Variants in KMO observed in about 807,000 individuals in gnomAD.
The protein encoded by KMO is kynurenine 3-hydroxylase.
A neutral mutation model predicts 57.8 loss-of-function variants in KMO; 24 were observed. That is an observed-to-expected ratio of 0.42 (90% CI 0.30 to 0.58). KMO has a LOEUF of 0.58. KMO is among the 20% of genes least tolerant of loss of function. KMO has a pLI of 0.22. For synonymous variants in KMO, 210 were observed against 193.6 expected (o/e 1.08, Z -0.70); for missense variants, 483 against 588.2 (o/e 0.82, Z 1.85).
chr1:241,547,602 G>A (rs1390096609), intron 1 of KMO, among the ~76,000 whole-genome samples: 1 of 149,046 alleles, frequency 6.7e-6, no homozygotes, highest in East Asian at 2.0e-4. Context: ...AAAAAAAAGT[G>A]CTCAACTTCT....
chr1:241,595,056 G>C lies in KMO; in HGVS notation c.*2903G>C. ...GGTGACAGCCACTGTGCTATAATTAGAGACTTTTTACTATAAGCATCAAAA... is the reference window on the plus strand; with the variant it reads ...GGTGACAGCCACTGTGCTATAATTACAGACTTTTTACTATAAGCATCAAAA... On this transcript the variant is annotated 3_prime_UTR_variant, in exon 15 of 15. Transcript: ENST00000366559. The C allele has an allele frequency of 5.9e-6, 1 of 168,410 alleles. No individual in the cohort carries two copies. The highest frequency in any genetic ancestry group is 1.3e-5 in the Non-Finnish European group (1 of 79,144). 10.4% of individuals were successfully genotyped at this position (168,410 alleles called of 1,614,324 possible). A position where few individuals can be genotyped will look rare whatever the true frequency, so the allele number is the denominator to read the frequency against.
At chr1:241,557,983 T>C (rs557424312) in intron 5 of KMO, among the ~76,000 whole-genome samples, 1 of 152,362 alleles carries the variant, frequency 6.6e-6, no homozygotes, top group African/African-American at 2.4e-5. Flanking sequence ...TTTACATGCA[T>C]AGATTTGCAT....
chr1:241,568,804 C>T (rs769424498), intron 10 of KMO, among the ~76,000 whole-genome samples, 157 bp downstream of exon 10: 8 of 152,132 alleles, frequency 5.3e-5, no homozygotes, highest in Non-Finnish European at 1.0e-4. Flanking sequence ...AGATTGATCA[C>T]TCTAATCAGA....
chr1:241,559,027 G>A (rs1036275611), intron 5 of KMO, among the ~76,000 whole-genome samples: 4 of 151,680 alleles, frequency 2.6e-5, no homozygotes, highest in African/African-American at 4.8e-5. Context: ...TGGAATCCTG[G>A]AGGCGGAGGC....
At position 241,570,972 on chromosome 1, in the gene KMO, T is replaced by C. The variant is rs1299040239; in HGVS notation, c.957+2325T>C. 2.0e-5 allele frequency among the ~76,000 whole-genome samples: 3 copies of C among 152,144 alleles called. No homozygotes were observed. In the East Asian group the frequency reaches 5.8e-4, roughly 29 times the overall value. On this transcript the variant is annotated intron_variant, in intron 10 of 14. Coordinates refer to ENST00000366559, the MANE Select transcript of KMO (RefSeq NM_003679.5). ...TTCAATTTCTTTCATCAACGTTTTA[T>C]AGTTTTCATTGTAGAGATCTTTCAC...
At chr1:241,547,741 C>T (rs1237951503) in intron 1 of KMO, among the ~76,000 whole-genome samples, 3 of 152,306 alleles carry the variant, frequency 2.0e-5, no homozygotes, top group Non-Finnish European at 2.9e-5. Flanking sequence ...TCAGAAGCTG[C>T]TGGTGTTACA....
At chr1:241,540,009 C>T (rs1660903514) in intron 1 of KMO, among the ~76,000 whole-genome samples, 1 of 152,142 alleles carries the variant, frequency 6.6e-6, no homozygotes, top group African/African-American at 2.4e-5. Context: ...GCTTTTACTT[C>T]AGACATCTTT....
rs41315442 is a variant in KMO at position 241,595,156 on chromosome 1, T to G, written c.*3003T>G. The G allele has an allele frequency of 6.9e-3, 1,061 of 153,350 alleles. 3 individuals carry two copies. The highest frequency in any genetic ancestry group is 0.016 in the African/African-American group (671 of 41,582). The allele number at this position is 153,350 out of a possible 1,614,324, so 9.5% of individuals were successfully genotyped here. A position where few individuals can be genotyped will look rare whatever the true frequency, so the allele number is the denominator to read the frequency against. On this transcript the variant is annotated 3_prime_UTR_variant, in exon 15 of 15. Coordinates refer to ENST00000366559, the MANE Select transcript of KMO (RefSeq NM_003679.5). The stretch of plus-strand genomic sequence containing the variant: ...TGTCTCTTTAATTAGGTGAAGAATT[T>G]TTTTTTTCTATCGAAATTACTAATC...
intron 4 of KMO, among the ~76,000 whole-genome samples, chr1:241,553,162 G>A (rs1411267789): frequency 1.3e-5 from 2 of 152,026 alleles, no homozygotes; most frequent in Admixed American, 6.6e-5. Flanking sequence ...ACTTTATAGC[G>A]CTTGACTTGT....
intron 1 of KMO, among the ~76,000 whole-genome samples, chr1:241,534,144 T>C (rs2147935358): frequency 6.6e-6 from 1 of 152,278 alleles, no homozygotes; most frequent in Middle Eastern, 3.4e-3. Flanking sequence ...AGGCAGGAAA[T>C]TAAGTTGTGA....
chr1:241,562,046 A>C, intron 6 of KMO, 121 bp from the exon 7 acceptor site: 1 of 749,216 alleles, frequency 1.3e-6, no homozygotes, highest in Non-Finnish European at 2.1e-6. Flanking sequence ...CTCCAAGTCA[A>C]ACATGTGAAA....
At position 241,550,993 on chromosome 1, in the gene KMO, C is replaced by T. The variant is rs377039946; in HGVS notation, c.261C>T (p.Ile87=). 2.2e-5 allele frequency: 34 copies of T among 1,561,956 alleles called. No individual in the cohort carries two copies. The highest frequency in any genetic ancestry group is 2.8e-5 in the Non-Finnish European group (32 of 1,158,504). The part of the protein sequence containing the change: ...SQGIPMRARM[I]HSLSGKKSAI... ...GTATTCCCATGAGAGCAAGAATGATCCACTCTCTTTCAGGAAAAAAGTCTG... is the reference window on the plus strand; with the variant it reads ...GTATTCCCATGAGAGCAAGAATGATTCACTCTCTTTCAGGAAAAAAGTCTG... Residue 87 remains isoleucine, a synonymous_variant, in exon 4 of 15, where the codon ATC becomes ATT. Coordinates refer to ENST00000366559, the MANE Select transcript of KMO (RefSeq NM_003679.5).
intron 10 of KMO, among the ~76,000 whole-genome samples, chr1:241,572,060 T>C (rs925726253): frequency 6.6e-6 from 1 of 151,928 alleles, no homozygotes; most frequent in African/African-American, 2.4e-5. Flanking sequence ...AGAGATGTGG[T>C]TTCACCATGT....
intron 10 of KMO, among the ~76,000 whole-genome samples, chr1:241,573,278 C>T (rs532508248): frequency 3.9e-5 from 6 of 152,166 alleles, no homozygotes; most frequent in South Asian, 2.1e-4. Flanking sequence ...TGAGCTACTG[C>T]GCCCAACCCA....
At chr1:241,583,852 G>A (rs1662858696) in intron 10 of KMO, among the ~76,000 whole-genome samples, 1 of 151,872 alleles carries the variant, frequency 6.6e-6, no homozygotes, top group Non-Finnish European at 1.5e-5. Context: ...CTCAAAATTT[G>A]GAAACTTGGC....
chr1:241,565,676 A>G (rs899095774), intron 8 of KMO, among the ~76,000 whole-genome samples: 4 of 151,726 alleles, frequency 2.6e-5, no homozygotes, highest in Admixed American at 6.6e-5. Context: ...GTAAGCCGTG[A>G]TCATCCCATT....
Position 241,562,787 on chromosome 1 carries a change from C to T in KMO, c.615+455C>T, listed in dbSNP as rs138634035. On this transcript the variant is annotated intron_variant, in intron 7 of 14. Transcript: ENST00000366559. ...CCAGGAGGTCAAGGCTGCAGTGAGCCGAGATCATGCCAATGCACTCTATCC... is the reference window on the plus strand; with the variant it reads ...CCAGGAGGTCAAGGCTGCAGTGAGCTGAGATCATGCCAATGCACTCTATCC... Among the ~76,000 whole-genome samples, 1,030 of 151,830 alleles carry T rather than the reference C, an allele frequency of 6.8e-3. 15 individuals are homozygous for T. Among genetic ancestry groups the T allele is most frequent in the African/African-American group, 0.024 (978 of 41,360 alleles).
At chr1:241,552,954 C>T (rs1661467829) in intron 4 of KMO, among the ~76,000 whole-genome samples, 1 of 152,170 alleles carries the variant, frequency 6.6e-6, no homozygotes, top group African/African-American at 2.4e-5. Flanking sequence ...CCTAACCTAA[C>T]CTCTTATGCT....
intron 1 of KMO, among the ~76,000 whole-genome samples, chr1:241,533,591 C>G (rs1423091429): frequency 6.6e-6 from 1 of 152,172 alleles, no homozygotes; most frequent in African/African-American, 2.4e-5. Flanking sequence ...TGTGTCCAAT[C>G]TGTCCTATCA....
Sources: allele counts gnomAD v4.1 joint callset (sites outside exome capture counted in the v4.1 genomes callset), GRCh38; gene constraint gnomAD v4.1.1; transcripts MANE v1.5; gene names NCBI Gene and HGNC (gene_info 2026-07-23, HGNC 2026-07-21).